Variants in ZNF581 observed in about 807,000 individuals in gnomAD.
The protein encoded by ZNF581 is zinc finger protein 581.
ZNF581 carries 1 observed loss-of-function variant against 1.2 expected under a neutral mutation model. That is an observed-to-expected ratio of 0.83 (90% CI 0.30 to 3.95). ZNF581 has a LOEUF of 3.95. Among genes scored for constraint, ZNF581 ranks in the 30% most tolerant of loss-of-function variants. The pLI is 0.18. For synonymous variants in ZNF581, 105 were observed against 109.2 expected, an observed-to-expected ratio of 0.96 and a Z score of 0.24; for missense variants, 273 against 274.6, an observed-to-expected ratio of 0.99 and a Z score of 0.04.
chr19:55,643,513 G>GC (rs889070385), upstream of ZNF581: 12 of 157,728 alleles, frequency 7.6e-5, no homozygotes, highest in South Asian at 4.3e-4. Context: ...TTGGGTGCTG[G>GC]GGGGTGGAGA....
chr19:55,640,161 C>T, upstream of ZNF581: 2 of 985,484 alleles, frequency 2.0e-6, no homozygotes, highest in Non-Finnish European at 2.4e-6. Context: ...CGCCCTCCTG[C>T]GAGGCCGTGG....
At chr19:55,640,629 T>A (rs1982396868), upstream of ZNF581, 1 of 985,418 alleles carries the variant, frequency 1.0e-6, no homozygotes, top group East Asian at 1.1e-4. Context: ...TCGGAGCCAA[T>A]GGCTGGTCTC....
upstream of ZNF581, chr19:55,643,190 C>T (rs1490087564): frequency 1.7e-6 from 2 of 1,184,014 alleles, no homozygotes; most frequent in African/African-American, 1.6e-5. Context: ...TCATTCCTTC[C>T]TTACCCCCTT....
At chr19:55,641,134 C>A (rs1048924412), upstream of ZNF581, 1 of 985,022 alleles carries the variant, frequency 1.0e-6, no homozygotes, top group Non-Finnish European at 1.2e-6. Context: ...AGCCCGGGGC[C>A]GCCCGGGACC....
At chr19:55,635,596 G>A (rs1982046132) in exon 1 of ZNF581, 1 of 859,580 alleles carries the variant, frequency 1.2e-6, no homozygotes, top group East Asian at 1.2e-4. Flanking sequence ...CGAGACCCTG[G>A]ATATGAATAT....
chr19:55,641,960 T>C, upstream of ZNF581: 1 of 746,740 alleles, frequency 1.3e-6, no homozygotes, highest in Non-Finnish European at 1.5e-6. Flanking sequence ...AATATGAAGA[T>C]GGGGAGGCCC....
At chr19:55,641,584 G>A (rs1420139982), upstream of ZNF581, among the ~76,000 whole-genome samples, 1 of 152,126 alleles carries the variant, frequency 6.6e-6, no homozygotes, top group East Asian at 1.9e-4. Flanking sequence ...GGGCTTGGGA[G>A]AGGTGCTGTG....
chr19:55,639,131 GA>G (rs1010581904), upstream of ZNF581, among the ~76,000 whole-genome samples: 1 of 152,064 alleles, frequency 6.6e-6, no homozygotes, highest in African/African-American at 2.4e-5. Context: ...TCTCAGCTAG[GA>G]GCCATGTTGC....
upstream of ZNF581, among the ~76,000 whole-genome samples, chr19:55,637,125 T>C (rs927417994): frequency 2.0e-5 from 3 of 150,162 alleles, no homozygotes; most frequent in Non-Finnish European, 4.5e-5. Context: ...TAATTATTAT[T>C]ATCATTTTTT....
At position 55,645,210 on chromosome 19, in the gene ZNF581, G is replaced by A. The variant is rs1012089779; in HGVS notation, c.*45G>A. ...CAGGTACCACAGGACTTTGCAGGGA[G>A]CCTGGACTCCTGTCCAGACACCTGG... On this transcript the variant is annotated 3_prime_UTR_variant, in exon 2 of 2. Transcript: ENST00000270451. 6.7e-7 allele frequency: 1 copy of A among 1,481,854 alleles called. No individual in the cohort carries two copies. The highest frequency in any genetic ancestry group is 9.0e-7 in the Non-Finnish European group (1 of 1,106,366). 91.8% of individuals were successfully genotyped at this position (1,481,854 alleles called of 1,614,324 possible). A position where few individuals can be genotyped will look rare whatever the true frequency, so the allele number is the denominator to read the frequency against.
In ZNF581 at chr19:55,644,433, A is replaced by G. The variant is rs1600049613; in HGVS notation, c.-19-120A>G. The G allele has an allele frequency of 2.5e-5, 16 of 650,262 alleles. No homozygotes were observed. The East Asian group carries it at 4.4e-4, about 18-fold the overall frequency. 40.3% of individuals were successfully genotyped at this position (650,262 alleles called of 1,614,324 possible). On this transcript the variant is annotated intron_variant, in intron 1 of 1. Coordinates refer to ENST00000270451, the MANE Select transcript of ZNF581 (RefSeq NM_016535.4). The surrounding 1 kb of genome is among the most constrained non-coding windows in gnomAD (Gnocchi z 4.3). ...CTGTGAGCGGGACTGGAAAAGAGGG[A>G]CTGAGGGGCAGCAGGATGCAGAGGT...
upstream of ZNF581, chr19:55,643,361 C>T: frequency 3.2e-6 from 1 of 309,886 alleles, no homozygotes. Context: ...CGGTGGTTGT[C>T]TGCGGGGAAG....
At chr19:55,642,030 G>A (rs1412610696), upstream of ZNF581, 4 of 981,400 alleles carry the variant, frequency 4.1e-6, no homozygotes, top group African/African-American at 3.6e-5. Context: ...TGGGGGGGTA[G>A]GGGGCGGCAA....
At chr19:55,635,827 C>T in intron 1 of ZNF581, 3 of 644,248 alleles carry the variant, frequency 4.7e-6, no homozygotes, top group Non-Finnish European at 5.8e-6. Flanking sequence ...AGCTGGTGGA[C>T]TGGTGAGCAG....
upstream of ZNF581, chr19:55,635,269 G>C (rs1219641471): frequency 6.6e-6 from 1 of 152,326 alleles, no homozygotes; most frequent in African/African-American, 2.4e-5. Context: ...TGGGCTTCTT[G>C]GATCCCAATT....
upstream of ZNF581, chr19:55,640,551 GC>G: frequency 1.0e-6 from 1 of 985,454 alleles, no homozygotes; most frequent in African/African-American, 1.7e-5. Flanking sequence ...CAACTATCTG[GC>G]AGCGTCTGGC....
At position 55,645,243 on chromosome 19, in the gene ZNF581, C is replaced by T; in HGVS notation, c.*78C>T. The T allele has an allele frequency of 1.5e-6, 2 of 1,325,466 alleles. No individual in the cohort carries two copies. The highest frequency in any genetic ancestry group is 2.0e-6 in the Non-Finnish European group (2 of 978,804). 82.1% of individuals were successfully genotyped at this position (1,325,466 alleles called of 1,614,324 possible). ...TCCTGTCCAGACACCTGGTGAGAGC[C>T]TGAGGCTGGTGTTCAGGGCCCTGGA... On this transcript the variant is annotated 3_prime_UTR_variant, in exon 2 of 2. Coordinates refer to ENST00000270451, the MANE Select transcript of ZNF581 (RefSeq NM_016535.4).
At chr19:55,642,163 G>T (rs945840979), upstream of ZNF581, 1 of 1,079,812 alleles carries the variant, frequency 9.3e-7, no homozygotes, top group South Asian at 4.4e-5. Context: ...ACAGATTTAG[G>T]GATTGATTGT....
At chr19:55,638,997 C>T (rs954979204), upstream of ZNF581, among the ~76,000 whole-genome samples, 1 of 109,950 alleles carries the variant, frequency 9.1e-6, no homozygotes, top group African/African-American at 3.6e-5. Flanking sequence ...CAGAGCAAGA[C>T]TCCATCTCCA....
Sources: allele counts gnomAD v4.1 joint callset (sites outside exome capture counted in the v4.1 genomes callset), GRCh38; gene constraint gnomAD v4.1.1; non-coding constraint Gnocchi (gnomAD v3.1); transcripts MANE v1.5; gene names NCBI Gene and HGNC (gene_info 2026-07-23, HGNC 2026-07-21).